AGAP9: variants seen among roughly 807,000 people sequenced by gnomAD.
AGAP9 encodes ArfGAP with GTPase domain, ankyrin repeat and PH domain 9.
Under a neutral mutation model 55.6 loss-of-function variants are expected in AGAP9, and 23 were observed. The observed-to-expected ratio is 0.41, with a 90% confidence interval of 0.30 to 0.59. The LOEUF is 0.59. Ranked by LOEUF, AGAP9 falls within the 20% of genes least tolerant of loss-of-function variation. AGAP9 has a pLI of 0.25. For missense variants in AGAP9, 309 were observed against 808.1 expected (o/e 0.38, Z 7.49); for synonymous variants, 120 against 305.0 (o/e 0.39, Z 6.32).
intron 2 of AGAP9, among the ~76,000 whole-genome samples, chr10:47,521,940 C>T (rs1395173828): frequency 2.0e-5 from 3 of 150,328 alleles, no homozygotes; most frequent in Non-Finnish European, 4.4e-5. Flanking sequence ...GCCACTACGC[C>T]CAGCTAATTT....
intron 6 of AGAP9, among the ~76,000 whole-genome samples, chr10:47,506,357 G>GTC (rs1181828302): frequency 2.9e-5 from 4 of 139,378 alleles, no homozygotes; most frequent in African/African-American, 1.1e-4. Flanking sequence ...TTGAGACAGA[G>GTC]TCTCTCTCTG....
rs1167448093 is a variant in AGAP9, at chr10:47,502,952, G to C, written c.1177C>G (p.Pro393Ala). Reference protein sequence around the residue: ...STTSPKLNPPPSPHANKKKHL... With the variant: ...STTSPKLNPPASPHANKKKHL... ...TTCTTTTTATTGGCATGAGGAGAGG[G>C]GGGCGGGTTGAGCTTGGGGCTGGTG... Residue 393 changes from proline to alanine, a missense_variant, in exon 8 of 8, where the codon CCC becomes GCC. Coordinates refer to ENST00000452145, the MANE Select transcript of AGAP9 (RefSeq NM_001190810.1). The C allele has an allele frequency of 9.4e-6, 15 of 1,593,504 alleles. No individual in the cohort carries two copies. The highest frequency in any genetic ancestry group is 1.2e-5 in the Non-Finnish European group (14 of 1,172,748).
At chr10:47,521,755 A>G (rs1429120572) in intron 2 of AGAP9, among the ~76,000 whole-genome samples, 7 of 151,174 alleles carry the variant, frequency 4.6e-5, no homozygotes, top group Non-Finnish European at 1.0e-4. Context: ...CTCTGCCAAC[A>G]GTGTAGAGAC....
At chr10:47,513,119 C>T (rs1840661003) in intron 4 of AGAP9, among the ~76,000 whole-genome samples, 1 of 147,984 alleles carries the variant, frequency 6.8e-6, no homozygotes. Context: ...ACTGCAACCT[C>T]TGCCTCCGAG....
chr10:47,517,377 A>C (rs1285640692), intron 4 of AGAP9, among the ~76,000 whole-genome samples: 1 of 102,434 alleles, frequency 9.8e-6, no homozygotes, highest in Non-Finnish European at 1.8e-5. Context: ...GGTTCAAGTG[A>C]TTCTTCTGCC....
At position 47,502,594 on chromosome 10, in the gene AGAP9, C is replaced by T. The variant is rs1303498488; in HGVS notation, c.1535G>A (p.Arg512His). The T allele has an allele frequency of 2.2e-5, 35 of 1,572,060 alleles. 3 individuals carry two copies. Among genetic ancestry groups the T allele is most frequent in the South Asian group, 7.8e-5 (7 of 89,558 alleles). Reference sequence around the variant, plus strand: ...CTCCAGAGATCGCACACGGGAAAGGCGGGTGCCAAAACTGCGGTGGATACC... The same window carrying T: ...CTCCAGAGATCGCACACGGGAAAGGTGGGTGCCAAAACTGCGGTGGATACC... ...CSGIHRSFGT[R>H]LSRVRSLELD... The change falls in exon 8 of 8, where the codon CGC becomes CAC. Residue 512 changes from arginine to histidine, a missense_variant. Physicochemically the swap from Arg to His is conservative, Grantham distance 29 (BLOSUM62 0). Coordinates refer to ENST00000452145, the MANE Select transcript of AGAP9 (RefSeq NM_001190810.1).
intron 4 of AGAP9, among the ~76,000 whole-genome samples, chr10:47,510,915 T>TATTAATTA (rs1204375731): frequency 1.5e-5 from 2 of 131,074 alleles, no homozygotes; most frequent in Non-Finnish European, 3.2e-5. Context: ...CAAGAATTTC[T>TATTAATTA]ATTAATTAAT....
chr10:47,521,812 G>A (rs1168406410), intron 2 of AGAP9, among the ~76,000 whole-genome samples: 2 of 150,920 alleles, frequency 1.3e-5, no homozygotes, highest in African/African-American at 2.4e-5. Flanking sequence ...ACGGAGTCTC[G>A]CTCTGTCACC....
chr10:47,517,334 A>G (rs3006321), intron 4 of AGAP9, among the ~76,000 whole-genome samples: 1,840 of 63,364 alleles, frequency 0.029, 1 homozygote, highest in Admixed American at 0.058. Flanking sequence ...GTGCAATGGC[A>G]CGATCTTGGC....
chr10:47,521,366 C>A (rs1300725792), intron 2 of AGAP9, among the ~76,000 whole-genome samples: 2 of 137,988 alleles, frequency 1.4e-5, no homozygotes, highest in African/African-American at 2.7e-5. Context: ...TTAATTCACA[C>A]AATGCATTTG....
chr10:47,510,033 A>G, intron 5 of AGAP9, 138 bp downstream of exon 5: 4 of 1,465,798 alleles, frequency 2.7e-6, no homozygotes, highest in Non-Finnish European at 3.6e-6. Flanking sequence ...AGAGAAACTG[A>G]TACTTAATAT....
At chr10:47,505,423 A>C (rs1371855090) in intron 6 of AGAP9, among the ~76,000 whole-genome samples, 7 of 127,838 alleles carry the variant, frequency 5.5e-5, no homozygotes, top group Non-Finnish European at 1.2e-4. Context: ...TGAAGCAATA[A>C]AAATTAATGT....
chr10:47,510,941 T>C (rs1451201023), intron 4 of AGAP9, among the ~76,000 whole-genome samples: 3 of 129,726 alleles, frequency 2.3e-5, no homozygotes, highest in Non-Finnish European at 4.8e-5. Context: ...AATTAATTTA[T>C]TTATTTATTT....
At chr10:47,503,937 CAAAAAA>C (rs1186798630) in intron 7 of AGAP9, among the ~76,000 whole-genome samples, 102 of 23,406 alleles carry the variant, frequency 4.4e-3, no homozygotes, top group South Asian at 5.1e-3. Flanking sequence ...GAGAGTCCAT[CAAAAAA>C]AAAAAAAAAA....
intron 7 of AGAP9, 134 bp downstream of exon 7, chr10:47,504,055 T>G: frequency 1.8e-6 from 1 of 565,398 alleles, no homozygotes. Flanking sequence ...CTCCAGCACA[T>G]TCTTTTTACA....
Position 47,510,145 on chromosome 10 carries a change from T to C in AGAP9, c.497+26A>G, listed in dbSNP as rs1365779239. On this transcript the variant is annotated intron_variant, in intron 5 of 7. Transcript: ENST00000452145. ...AATAATTTCCGAATAAAGGAATCTG[T>C]CCCTCGGCAGCATAGTTGTACTCAC... 4.1e-5 allele frequency: 48 copies of C among 1,170,770 alleles called. 7 individuals are homozygous for C. In the South Asian group the frequency reaches 6.8e-4, roughly 17 times the overall value. The allele number at this position is 1,170,770 out of a possible 1,614,324, so 72.5% of individuals were successfully genotyped here.
In AGAP9 at chr10:47,502,621, G is replaced by T; in HGVS notation, c.1508C>A (p.Ser503Ter). ...GGTGCCAAAACTGCGGTGGATACCT[G>T]AGCATTCAATACACATGAGGACTCC... Reference protein sequence around the residue: ...NLGVLMCIECSGIHRSFGTRL... With the variant: ...NLGVLMCIEC Residue 503 changes from serine (S) to a stop codon, truncating the protein, a stop_gained, in exon 8 of 8, where the codon TCA (serine) becomes TAA (stop). Coordinates refer to ENST00000452145, the MANE Select transcript of AGAP9 (RefSeq NM_001190810.1). LOFTEE classifies it high-confidence loss of function. The T allele has an allele frequency of 1.2e-6, 2 of 1,604,706 alleles. No homozygotes were observed. Among genetic ancestry groups the T allele is most frequent in the Non-Finnish European group, 8.5e-7 (1 of 1,176,144 alleles).
chr10:47,522,085 C>G (rs1840858776), intron 2 of AGAP9, among the ~76,000 whole-genome samples: 1 of 150,094 alleles, frequency 6.7e-6, no homozygotes, highest in Non-Finnish European at 1.5e-5. Context: ...CCAAGCCCAG[C>G]CAAAACTGTA....
At chr10:47,510,359 T>A in intron 4 of AGAP9, 88 bp from the exon 5 acceptor site, 1 of 1,286,340 alleles carries the variant, frequency 7.8e-7, no homozygotes, top group Non-Finnish European at 1.0e-6. Context: ...CTAAGATATG[T>A]CTTACACTCC....
Sources: allele counts gnomAD v4.1 joint callset (sites outside exome capture counted in the v4.1 genomes callset), GRCh38; gene constraint gnomAD v4.1.1; transcripts MANE v1.5; gene names NCBI Gene and HGNC (gene_info 2026-07-23, HGNC 2026-07-21).